GRK5: variants seen among roughly 807,000 people sequenced by gnomAD.
GRK5 encodes G protein-coupled receptor kinase 5.
Under a neutral mutation model 78.4 loss-of-function variants are expected in GRK5, and 40 were observed. The observed-to-expected ratio is 0.51, with a 90% confidence interval of 0.40 to 0.66. The LOEUF (loss-of-function observed/expected upper bound fraction) is 0.66. Ranked by LOEUF, GRK5 falls within the 30% of genes least tolerant of loss-of-function variation. GRK5 has a pLI of 0.00. For synonymous variants in GRK5, 289 were observed against 296.8 expected (o/e 0.97, Z 0.27); for missense variants, 598 against 759.9 (o/e 0.79, Z 2.50).
At chr10:119,403,398 C>G (rs1852183596) in intron 4 of GRK5, among the ~76,000 whole-genome samples, 1 of 152,144 alleles carries the variant, frequency 6.6e-6, no homozygotes, top group African/African-American at 2.4e-5. Context: ...ATCTCCTGAC[C>G]TCGTGATCCA....
At chr10:119,278,204 C>T (rs1044254833) in intron 1 of GRK5, among the ~76,000 whole-genome samples, 1 of 152,136 alleles carries the variant, frequency 6.6e-6, no homozygotes, top group Non-Finnish European at 1.5e-5. Context: ...TCTCCCTTCC[C>T]GAGACGGTCT....
chr10:119,402,438 A>G (rs560324044), intron 4 of GRK5, among the ~76,000 whole-genome samples: 3 of 152,302 alleles, frequency 2.0e-5, no homozygotes, highest in African/African-American at 7.2e-5. Context: ...GGTGACAGGT[A>G]TTCAGGAGAG....
At chr10:119,389,904 T>G (rs1851861636) in intron 3 of GRK5, among the ~76,000 whole-genome samples, 1 of 152,166 alleles carries the variant, frequency 6.6e-6, no homozygotes, top group Non-Finnish European at 1.5e-5. Context: ...TTGGCCCAGC[T>G]GCTTTTCTGA....
In GRK5 at chr10:119,241,162, G is replaced by A. The variant is rs138697479; in HGVS notation, c.52+33193G>A. Among the ~76,000 whole-genome samples the A allele has an allele frequency of 1.4e-4, 22 of 152,236 alleles. No homozygotes were observed. The East Asian group carries it at 2.7e-3, about 19-fold the overall frequency. Reference sequence around the variant, plus strand: ...CTGTAGCAGATAGCCCTCCTCCTCCGGCCTCAGCTTCCTCGTCTGTGACGT... The same window carrying A: ...CTGTAGCAGATAGCCCTCCTCCTCCAGCCTCAGCTTCCTCGTCTGTGACGT... On this transcript the variant is annotated intron_variant, in intron 1 of 15. Coordinates refer to ENST00000392870, the MANE Select transcript of GRK5 (RefSeq NM_005308.3).
chr10:119,338,391 T>C (rs1850930398), intron 2 of GRK5, among the ~76,000 whole-genome samples: 1 of 152,212 alleles, frequency 6.6e-6, no homozygotes, highest in Non-Finnish European at 1.5e-5. Context: ...GGAAAGAAAG[T>C]CACCGCTAAT....
intron 3 of GRK5, among the ~76,000 whole-genome samples, chr10:119,384,223 C>T (rs766855056): frequency 5.9e-5 from 9 of 152,160 alleles, no homozygotes; most frequent in Non-Finnish European, 1.0e-4. Flanking sequence ...CCTACTTGTC[C>T]TTCTGTCCCC....
At chr10:119,322,714 G>A (rs568365113) in intron 1 of GRK5, among the ~76,000 whole-genome samples, 60 of 152,276 alleles carry the variant, frequency 3.9e-4, no homozygotes, top group African/African-American at 1.4e-3. Context: ...TTGGGGTACA[G>A]CCTAGCAATC....
In GRK5 at chr10:119,453,561, C is replaced by G. The variant is rs72839233; in HGVS notation, c.1674+285C>G. 7.5e-3 allele frequency among the ~76,000 whole-genome samples: 1,146 copies of G among 152,314 alleles called. 39 individuals are homozygous for G. In the East Asian group the frequency reaches 0.09, roughly 12 times the overall value. ...GCCGGTTAATTCCTTGTCACAGTGC[C>G]GTCCTGTGCATCGCAAGATGTGGGG... On this transcript the variant is annotated intron_variant, in intron 15 of 15. Coordinates refer to ENST00000392870, the MANE Select transcript of GRK5 (RefSeq NM_005308.3).
chr10:119,298,734 A>G (rs1342119944), intron 1 of GRK5, among the ~76,000 whole-genome samples: 1 of 150,890 alleles, frequency 6.6e-6, no homozygotes, highest in Non-Finnish European at 1.5e-5. Context: ...CCAGCCCCGC[A>G]CTTCCTGGAC....
chr10:119,251,873 C>G (rs921096780), intron 1 of GRK5, among the ~76,000 whole-genome samples: 9 of 152,194 alleles, frequency 5.9e-5, no homozygotes, highest in Admixed American at 6.5e-5. Context: ...GGTTGAGAAC[C>G]ACTCGCCTCG....
intron 1 of GRK5, among the ~76,000 whole-genome samples, chr10:119,313,043 G>GGCT (rs1564887010): frequency 2.8e-4 from 4 of 14,522 alleles, no homozygotes; most frequent in Admixed American, 7.4e-4. Context: ...TGGTGATGGT[G>GGCT]GTGGTGGTAA....
intron 12 of GRK5, among the ~76,000 whole-genome samples, chr10:119,446,161 T>G (rs1383201106): frequency 6.6e-6 from 1 of 152,126 alleles, no homozygotes; most frequent in African/African-American, 2.4e-5. Context: ...AGCTCACACC[T>G]TCTCTTCCTC....
chr10:119,239,705 C>A (rs982316731), intron 1 of GRK5, among the ~76,000 whole-genome samples: 1 of 151,868 alleles, frequency 6.6e-6, no homozygotes, highest in Non-Finnish European at 1.5e-5. Flanking sequence ...TAATAAGCCC[C>A]GGTGTGTGAT....
chr10:119,271,687 C>T lies in GRK5; in HGVS notation c.53-54829C>T, dbSNP rs1281337510. ...AGAGGGGAACGTGGGGCCTTTGACT[C>T]GTCAGGGAAAAACAGGTGTGTGAGC... On this transcript the variant is annotated intron_variant, in intron 1 of 15. Coordinates refer to ENST00000392870, the MANE Select transcript of GRK5 (RefSeq NM_005308.3). The surrounding 1 kb of genome is among the most constrained non-coding windows in gnomAD (Gnocchi z 4.1). 6.6e-6 allele frequency among the ~76,000 whole-genome samples: 1 copy of T among 152,138 alleles called. No homozygotes were observed. Among genetic ancestry groups the T allele is most frequent in the Non-Finnish European group, 1.5e-5 (1 of 68,024 alleles).
rs553827673 is a variant in GRK5 at position 119,229,636 on chromosome 10, T to A, written c.52+21667T>A. On this transcript the variant is annotated intron_variant, in intron 1 of 15. Transcript: ENST00000392870. ...TCCTCTTCAGGACCTTCCAGCCTAG[T>A]TGGGGGAAAGGCAGGTACATGATCA... 9.9e-5 allele frequency among the ~76,000 whole-genome samples: 15 copies of A among 152,240 alleles called. 1 individual carries two copies. Among genetic ancestry groups the A allele is most frequent in the African/African-American group, 3.4e-4 (14 of 41,548 alleles).
intron 1 of GRK5, among the ~76,000 whole-genome samples, chr10:119,317,263 C>A (rs528112628): frequency 6.6e-6 from 1 of 152,244 alleles, no homozygotes; most frequent in African/African-American, 2.4e-5. Flanking sequence ...CTTCCCATCC[C>A]CAGGGATGAC....
chr10:119,222,876 C>T (rs754982769), intron 1 of GRK5, among the ~76,000 whole-genome samples: 6 of 152,174 alleles, frequency 3.9e-5, no homozygotes, highest in Admixed American at 6.5e-5. Context: ...CCAAAAGGGG[C>T]CCGCATGGGT....
At chr10:119,272,820 A>G (rs377438338) in intron 1 of GRK5, among the ~76,000 whole-genome samples, 16 of 152,110 alleles carry the variant, frequency 1.1e-4, no homozygotes, top group African/African-American at 3.9e-4. Flanking sequence ...GACCTGTCAG[A>G]TATTCACAGT....
At chr10:119,353,212 G>A (rs754095817) in intron 2 of GRK5, among the ~76,000 whole-genome samples, 3 of 152,058 alleles carry the variant, frequency 2.0e-5, no homozygotes, top group African/African-American at 4.8e-5. Context: ...AAGAATGTTC[G>A]GGCTGAAATG....
Sources: allele counts gnomAD v4.1 joint callset (sites outside exome capture counted in the v4.1 genomes callset), GRCh38; gene constraint gnomAD v4.1.1; non-coding constraint Gnocchi (gnomAD v3.1); transcripts MANE v1.5; gene names NCBI Gene and HGNC (gene_info 2026-07-23, HGNC 2026-07-21).